ZNF263: variants seen among roughly 807,000 people sequenced by gnomAD.
ZNF263 encodes the protein zinc finger protein 263.
ZNF263 carries 49 observed loss-of-function variants against 63.1 expected under a neutral mutation model. The observed-to-expected ratio is 0.78, with a 90% CI of 0.62 to 0.99. The LOEUF is 0.99. ZNF263 is among the 50% of genes least tolerant of loss of function. ZNF263 has a pLI of 0.00. For synonymous variants in ZNF263, 352 were observed against 324.2 expected, an observed-to-expected ratio of 1.09 and a Z score of -0.92; for missense variants, 872 against 854.8, an observed-to-expected ratio of 1.02 and a Z score of -0.25.
chr16:3,301,098 G>A (rs1959928025), exon 3 of ZNF263: 1 of 168,940 alleles, frequency 5.9e-6, no homozygotes, highest in South Asian at 2.0e-4. Context: ...GGCAATGACA[G>A]AGTAATCTTG....
rs747286501 is a variant in ZNF263, at chr16:3,283,818, G to A, written c.-1G>A. 7.7e-6 allele frequency: 12 copies of A among 1,561,792 alleles called. No homozygotes were observed. In the African/African-American group the frequency reaches 1.2e-4, roughly 16 times the overall value. ...GGCTAAGGCGCTCTGGAGACCTGACGATGGCGTCGGGCCCGGGCTCCCAGG... is the reference window on the plus strand; with the variant it reads ...GGCTAAGGCGCTCTGGAGACCTGACAATGGCGTCGGGCCCGGGCTCCCAGG... On this transcript the variant is annotated 5_prime_UTR_variant, in exon 1 of 6. Transcript: ENST00000219069.
chr16:3,289,523 CCGGTCG>C lies in ZNF263; in HGVS notation c.1019_1024del (p.Arg340_Ser341del), dbSNP rs1313997153. 2 of 1,592,058 alleles carry C rather than the reference CCGGTCG, an allele frequency of 1.3e-6. No homozygotes were observed. Among genetic ancestry groups the C allele is most frequent in the African/African-American group, 2.7e-5 (2 of 74,386 alleles). The stretch of plus-strand genomic sequence containing the variant: ...GTCCTGAGCTGGGAAGACCTCATGA[CCGGTCG>C]CAAGGGGATTGGGCGCCTCCCCCAG... On this transcript the variant is annotated inframe_deletion, in exon 6 of 6. Coordinates refer to ENST00000219069, the MANE Select transcript of ZNF263 (RefSeq NM_005741.5).
In ZNF263 at chr16:3,291,399, G is replaced by A. The variant is rs370051287; in HGVS notation, c.*841G>A. On this transcript the variant is annotated 3_prime_UTR_variant, in exon 6 of 6. Coordinates refer to ENST00000219069, the MANE Select transcript of ZNF263 (RefSeq NM_005741.5). Reference sequence around the variant, plus strand: ...AATGTGAATCCTAGGGGGAAATTGGGGATTGTGTCTTTCCCTGTTGAAAAT... The same window carrying A: ...AATGTGAATCCTAGGGGGAAATTGGAGATTGTGTCTTTCCCTGTTGAAAAT... The A allele has an allele frequency of 5.3e-5, 52 of 985,388 alleles. No homozygotes were observed. In the African/African-American group the frequency reaches 5.8e-4, roughly 11 times the overall value. The allele number at this position is 985,388 out of a possible 1,614,324, so 61.0% of individuals were successfully genotyped here.
At chr16:3,291,493 A>G, downstream of ZNF263, 1 of 985,416 alleles carries the variant, frequency 1.0e-6, no homozygotes, top group Non-Finnish European at 1.2e-6. Flanking sequence ...GCCTCTGTCT[A>G]GACCCCCGAG....
At chr16:3,301,287 T>G (rs556140850) in exon 3 of ZNF263, 2 of 167,204 alleles carry the variant, frequency 1.2e-5, no homozygotes, top group East Asian at 1.9e-4. Context: ...GTATGGAGAG[T>G]TGGAATTCAG....
Position 3,290,253 on chromosome 16 carries a change from A to G in ZNF263, c.1747A>G (p.Ser583Gly). The G allele has an allele frequency of 6.2e-7, 1 of 1,614,150 alleles. No individual in the cohort carries two copies. Among genetic ancestry groups the G allele is most frequent in the Non-Finnish European group, 8.5e-7 (1 of 1,180,038 alleles). Residue 583 changes from serine to glycine, a missense_variant, in exon 6 of 6, where the codon AGC (serine) becomes GGC (glycine). Transcript: ENST00000219069. ...CTTTGAATGTTTGACTTGTGGGAAA[A>G]GCTTCCGGCAGGGCATGCACCTCAC... ...KLFECLTCGKSFRQGMHLTRH... is the reference protein window; with the variant it reads ...KLFECLTCGKGFRQGMHLTRH...
chr16:3,289,554 G>A lies in ZNF263; in HGVS notation c.1048G>A (p.Glu350Lys), dbSNP rs760565822. 3 of 1,611,930 alleles carry A rather than the reference G, an allele frequency of 1.9e-6. No homozygotes were observed. The Admixed American group carries it at 5.0e-5, about 27-fold the overall frequency. Residue 350 changes from glutamate to lysine, a missense_variant, in exon 6 of 6, where the codon GAG becomes AAG. By Grantham distance (56) the Glu-to-Lys change is moderately conservative. Coordinates refer to ENST00000219069, the MANE Select transcript of ZNF263 (RefSeq NM_005741.5). ...GCAAGGGGATTGGGCGCCTCCCCCAGAGGGTGGAATGGAGCAGGCCTTGGC... is the reference window on the plus strand; with the variant it reads ...GCAAGGGGATTGGGCGCCTCCCCCAAAGGGTGGAATGGAGCAGGCCTTGGC... ...RSQGDWAPPP[E>K]GGMEQALAGA...
intron 1 of ZNF263, chr16:3,298,685 A>G (rs969742797): frequency 8.8e-6 from 2 of 226,272 alleles, no homozygotes; most frequent in South Asian, 1.8e-4. Context: ...TTGTTATACG[A>G]TATGATTACA....
rs773602336 is a variant in ZNF263 at position 3,289,694 on chromosome 16, C to T, written c.1188C>T (p.His396=). 5.0e-6 allele frequency: 8 copies of T among 1,614,114 alleles called. No homozygotes were observed. The East Asian group carries it at 1.8e-4, about 36-fold the overall frequency. ...NFSNNSNLIR[H]QRIHAAERLC... ...CTAACAACTCAAACCTAATTAGGCA[C>T]CAGAGAATACATGCAGCTGAAAGAC... Residue 396 remains histidine (H), a synonymous_variant, in exon 6 of 6, where the codon CAC becomes CAT. Coordinates refer to ENST00000219069, the MANE Select transcript of ZNF263 (RefSeq NM_005741.5).
chr16:3,288,558 G>A lies in ZNF263; in HGVS notation c.874G>A (p.Gly292Ser). 6.2e-7 allele frequency: 1 copy of A among 1,610,410 alleles called. No individual in the cohort carries two copies. ...CTGCAAGGAGGGCCTGAGCCCCAGA[G>A]GCCCAGCTCCAGGTAAGGAATGAAG... ...QSCKEGLSPR[G>S]PAPGEEKFEN... Residue 292 changes from glycine (G) to serine (S), a missense_variant, in exon 5 of 6, where the codon GGC (glycine) becomes AGC (serine). Transcript: ENST00000219069.
Position 3,286,294 on chromosome 16 carries a change from G to A in ZNF263, c.769+145G>A, listed in dbSNP as rs1475500911. Reference sequence around the variant, plus strand: ...TCCCTTTGTCTAAAGTCCCCTGTACGAGAGTCATGTATCTGCCAAGTGGTA... The same window carrying A: ...TCCCTTTGTCTAAAGTCCCCTGTACAAGAGTCATGTATCTGCCAAGTGGTA... On this transcript the variant is annotated intron_variant, in intron 4 of 5. Transcript: ENST00000219069. 27 of 1,225,248 alleles carry A rather than the reference G, an allele frequency of 2.2e-5. No individual in the cohort carries two copies. In the East Asian group the frequency reaches 2.5e-4, roughly 11 times the overall value. The allele number at this position is 1,225,248 out of a possible 1,614,324, so 75.9% of individuals were successfully genotyped here. A position where few individuals can be genotyped will look rare whatever the true frequency, so the allele number is the denominator to read the frequency against.
chr16:3,288,772 A>G (rs2150773573), intron 5 of ZNF263, among the ~76,000 whole-genome samples: 1 of 152,094 alleles, frequency 6.6e-6, no homozygotes, highest in African/African-American at 2.4e-5. Context: ...CAGCCTCCCG[A>G]GTAGCTGGGA....
chr16:3,288,325 T>C, intron 4 of ZNF263, 129 bp from the exon 5 acceptor site: 1 of 727,002 alleles, frequency 1.4e-6, no homozygotes, highest in Non-Finnish European at 2.5e-6. Context: ...TTGTGTATAT[T>C]CCAAGTAACT....
intron 1 of ZNF263, chr16:3,299,061 A>C: frequency 7.1e-7 from 1 of 1,405,714 alleles, no homozygotes. Context: ...AATGGATTTT[A>C]CTCTGGAACT....
intron 2 of ZNF263, chr16:3,300,386 A>C: frequency 6.2e-7 from 1 of 1,614,126 alleles, no homozygotes; most frequent in Non-Finnish European, 8.5e-7. Context: ...ACATCACCAT[A>C]TTTGGCTCCC....
chr16:3,298,121 T>C (rs557248105), intron 1 of ZNF263, among the ~76,000 whole-genome samples: 92 of 152,298 alleles, frequency 6.0e-4, no homozygotes, highest in African/African-American at 2.1e-3. Context: ...CCATCAAATG[T>C]GAGGTTAAGA....
At position 3,289,776 on chromosome 16, in the gene ZNF263, C is replaced by T. The variant is rs748082036; in HGVS notation, c.1270C>T (p.Leu424=). ...TGGTGGGAACCCACGTTTCCTGTCA[C>T]TACACAGAGCACACCTGGGAGAGGA... is the stretch of plus-strand genomic sequence containing the variant. The part of the protein sequence containing the change: ...IFGGNPRFLS[L]HRAHLGEEAH... Residue 424 remains leucine, a synonymous_variant, in exon 6 of 6, where the codon CTA becomes TTA. Coordinates refer to ENST00000219069, the MANE Select transcript of ZNF263 (RefSeq NM_005741.5). The T allele has an allele frequency of 1.9e-6, 3 of 1,614,232 alleles. No homozygotes were observed. Among genetic ancestry groups the T allele is most frequent in the Non-Finnish European group, 2.5e-6 (3 of 1,180,034 alleles).
At chr16:3,297,013 A>G (rs891494381) in intron 1 of ZNF263, among the ~76,000 whole-genome samples, 2 of 152,154 alleles carry the variant, frequency 1.3e-5, no homozygotes, top group Non-Finnish European at 2.9e-5. Context: ...GCTTTTCATT[A>G]AAATTCACAG....
chr16:3,285,248 C>T lies in ZNF263; in HGVS notation c.568+9C>T. On this transcript the variant is annotated intron_variant, in intron 2 of 5. Transcript: ENST00000219069. The stretch of plus-strand genomic sequence containing the variant: ...GGCTGTAAAGGAGAGGGGTGAGGCA[C>T]AGTTATCTGGGCAGGTGGGAGGGAG... 6.2e-7 allele frequency: 1 copy of T among 1,606,886 alleles called. No homozygotes were observed. The highest frequency in any genetic ancestry group is 8.5e-7 in the Non-Finnish European group (1 of 1,175,912).
Sources: gnomAD v4.1 joint callset for allele counts (sites outside exome capture counted in the v4.1 genomes callset) on GRCh38, gnomAD v4.1.1 for gene constraint, MANE v1.5 for transcripts, NCBI Gene and HGNC (gene_info 2026-07-23, HGNC 2026-07-21) for gene names.